The following ADAMTSL3 variants were observed in gnomAD, a reference collection of about 807,000 sequenced individuals.
The protein encoded by ADAMTSL3 is ADAMTS-like protein 3.
Under a neutral mutation model 201.7 loss-of-function variants are expected in ADAMTSL3, and 128 were observed. That is an observed-to-expected ratio of 0.63 (90% CI 0.55 to 0.73). The LOEUF (loss-of-function observed/expected upper bound fraction) is 0.73, where lower values mean the gene tolerates loss of function less well. ADAMTSL3 is among the 30% of genes least tolerant of loss of function. The pLI, the probability that ADAMTSL3 is intolerant of heterozygous loss-of-function variation, is 0.00. For missense variants in ADAMTSL3, 1,990 were observed against 2,119.6 expected, an observed-to-expected ratio of 0.94 and a Z score of 1.20; for synonymous variants, 738 against 748.4, an observed-to-expected ratio of 0.99 and a Z score of 0.23.
intron 8 of ADAMTSL3, among the ~76,000 whole-genome samples, chr15:83,864,856 T>C (rs1217319119): frequency 6.6e-6 from 1 of 152,230 alleles, no homozygotes; most frequent in African/African-American, 2.4e-5. Context: ...ATTGTATATC[T>C]AGAAAACCCC....
rs575407365 is a variant in ADAMTSL3, at chr15:83,757,677, A to G, written c.190-15846A>G. The stretch of plus-strand genomic sequence containing the variant: ...GCTGGCTTGAATTTTTCCTCAGAAA[A>G]TGGGTTTTTCTTTTCTATCACATCT... On this transcript the variant is annotated intron_variant, in intron 3 of 29. Coordinates refer to ENST00000286744, the MANE Select transcript of ADAMTSL3 (RefSeq NM_207517.3). 2.6e-5 allele frequency among the ~76,000 whole-genome samples: 4 copies of G among 152,302 alleles called. No homozygotes were observed. In the East Asian group the frequency reaches 7.7e-4, roughly 29 times the overall value.
rs1035828832 is a variant in ADAMTSL3 at position 84,010,119 on chromosome 15, G to A, written c.3974-4423G>A. Among the ~76,000 whole-genome samples, 6 of 152,182 alleles carry A rather than the reference G, an allele frequency of 3.9e-5. No homozygotes were observed. The East Asian group carries it at 1.2e-3, about 29-fold the overall frequency. ...TTTAGAAATGTTCAGTCATTTAAGCGAGAATTGCTTAGGGTCTTAAAGGCA... is the reference window on the plus strand; with the variant it reads ...TTTAGAAATGTTCAGTCATTTAAGCAAGAATTGCTTAGGGTCTTAAAGGCA... On this transcript the variant is annotated intron_variant, in intron 23 of 29. Coordinates refer to ENST00000286744, the MANE Select transcript of ADAMTSL3 (RefSeq NM_207517.3).
intron 26 of ADAMTSL3, among the ~76,000 whole-genome samples, chr15:84,022,595 G>C (rs1226196391): frequency 6.6e-6 from 1 of 152,110 alleles, no homozygotes; most frequent in Non-Finnish European, 1.5e-5. Flanking sequence ...ATTTATCTTA[G>C]GACAAAGGCC....
In ADAMTSL3 at chr15:83,819,960, C is replaced by T; in HGVS notation, c.513C>T (p.Asn171=). 1 of 1,614,154 alleles carries T rather than the reference C, an allele frequency of 6.2e-7. No homozygotes were observed. The highest frequency in any genetic ancestry group is 8.5e-7 in the Non-Finnish European group (1 of 1,180,036). ...CALKCHAQGQ[N]LVVELAPKVL... ...TCAAGTGTCATGCACAAGGACAAAA[C>T]TTGGTGGTGGAGCTGGCACCTAAGG... Residue 171 remains asparagine (N), a synonymous_variant, in exon 6 of 30, where the codon AAC becomes AAT. Coordinates refer to ENST00000286744, the MANE Select transcript of ADAMTSL3 (RefSeq NM_207517.3).
intron 19 of ADAMTSL3, among the ~76,000 whole-genome samples, chr15:83,968,185 G>A (rs1370194026): frequency 1.3e-5 from 2 of 152,164 alleles, no homozygotes; most frequent in African/African-American, 4.8e-5. Flanking sequence ...TGACAAATGG[G>A]ATCTAATTAA....
intron 9 of ADAMTSL3, among the ~76,000 whole-genome samples, chr15:83,872,859 A>G (rs1000894747): frequency 1.4e-5 from 2 of 145,482 alleles, no homozygotes; most frequent in Admixed American, 6.7e-5. Flanking sequence ...GCATATTTCT[A>G]TGAGTTTGTA....
chr15:83,916,190 A>G (rs908081356), intron 16 of ADAMTSL3, among the ~76,000 whole-genome samples: 4 of 152,188 alleles, frequency 2.6e-5, no homozygotes, highest in African/African-American at 7.2e-5. Flanking sequence ...TAAGGTGCCC[A>G]TTTGCTTTAT....
intron 4 of ADAMTSL3, among the ~76,000 whole-genome samples, chr15:83,796,419 A>G (rs2063427575): frequency 6.6e-6 from 1 of 152,220 alleles, no homozygotes; most frequent in Non-Finnish European, 1.5e-5. Flanking sequence ...AAAAGGCAGT[A>G]CTAGTAAAAT....
chr15:84,018,895 T>G lies in ADAMTSL3; in HGVS notation c.4273+2396T>G, dbSNP rs1038293671. ...AGAAAACAAAAACAAATTATCAAAT[T>G]GGACTGACCGCATCAAAATTTTAAA... On this transcript the variant is annotated intron_variant, in intron 25 of 29. Transcript: ENST00000286744. 2.0e-5 allele frequency among the ~76,000 whole-genome samples: 3 copies of G among 152,144 alleles called. 1 individual carries two copies. Among genetic ancestry groups the G allele is most frequent in the Non-Finnish European group, 4.4e-5 (3 of 68,024 alleles).
At chr15:83,821,864 G>A (rs2141917249) in intron 6 of ADAMTSL3, among the ~76,000 whole-genome samples, 1 of 149,830 alleles carries the variant, frequency 6.7e-6, no homozygotes, top group South Asian at 2.1e-4. Flanking sequence ...GGCTGGCCGG[G>A]CTGGGGGCTG....
chr15:83,679,836 CATCTCAG>C (rs2061453812), intron 2 of ADAMTSL3, among the ~76,000 whole-genome samples: 1 of 152,304 alleles, frequency 6.6e-6, no homozygotes, highest in African/African-American at 2.4e-5. Context: ...CTTCTCACTT[CATCTCAG>C]CAGATATTGT....
chr15:83,716,445 C>T (rs1350131910), intron 3 of ADAMTSL3, among the ~76,000 whole-genome samples: 1 of 145,940 alleles, frequency 6.9e-6, no homozygotes, highest in African/African-American at 2.6e-5. Context: ...ACATGGGAGG[C>T]GGAGGTTTGC....
chr15:83,808,607 C>T (rs1395477627), intron 5 of ADAMTSL3, among the ~76,000 whole-genome samples: 1 of 152,090 alleles, frequency 6.6e-6, no homozygotes, highest in Non-Finnish European at 1.5e-5. Context: ...ACAATATGAT[C>T]CAGCAATCCC....
intron 3 of ADAMTSL3, among the ~76,000 whole-genome samples, chr15:83,772,045 G>A (rs942320757): frequency 2.6e-5 from 4 of 152,062 alleles, no homozygotes; most frequent in African/African-American, 9.6e-5. Context: ...GTAGAGATGG[G>A]GTTTTGCCAT....
At position 83,655,788 on chromosome 15, in the gene ADAMTSL3, G is replaced by T. The variant is rs1347296591; in HGVS notation, c.27G>T (p.Trp9Cys). The T allele has an allele frequency of 1.4e-5, 23 of 1,613,998 alleles. No homozygotes were observed. Among genetic ancestry groups the T allele is most frequent in the Non-Finnish European group, 1.9e-5 (22 of 1,180,020 alleles). ...TGGCTTCCTGGACGAGCCCCTGGTG[G>T]GTGCTGATAGGGATGGTCTTCATGC... Reference protein sequence around the residue: MASWTSPWWVLIGMVFMHS... With the variant: MASWTSPWCVLIGMVFMHS... The change falls in exon 2 of 30, where the codon TGG becomes TGT. Residue 9 changes from tryptophan (W) to cysteine (C), a missense_variant. Coordinates refer to ENST00000286744, the MANE Select transcript of ADAMTSL3 (RefSeq NM_207517.3).
chr15:83,861,489 C>T (rs146075074), intron 8 of ADAMTSL3: 3,824 of 173,102 alleles, frequency 0.022, 166 homozygotes, highest in African/African-American at 0.086. Context: ...CTGCAGCCTC[C>T]GCTGCTGATA....
intron 28 of ADAMTSL3, among the ~76,000 whole-genome samples, chr15:84,035,437 G>C (rs986185798): frequency 1.3e-5 from 2 of 152,172 alleles, no homozygotes; most frequent in African/African-American, 4.8e-5. Flanking sequence ...CTTCTCTGTT[G>C]TTCAAAGTGA....
chr15:83,835,247 A>AAT (rs1173821959), intron 6 of ADAMTSL3, among the ~76,000 whole-genome samples: 8 of 151,630 alleles, frequency 5.3e-5, no homozygotes, highest in African/African-American at 1.9e-4. Context: ...AAAAAAAAAA[A>AAT]AAAAAGTTGC....
intron 28 of ADAMTSL3, 113 bp downstream of exon 28, chr15:84,031,545 C>G (rs1021779403): frequency 8.8e-6 from 8 of 912,094 alleles, no homozygotes; most frequent in Non-Finnish European, 1.4e-5. Context: ...TCATAATTGA[C>G]AGTTTTCAAT....
Sources: allele counts gnomAD v4.1 joint callset (sites outside exome capture counted in the v4.1 genomes callset), GRCh38; gene constraint gnomAD v4.1.1; transcripts MANE v1.5; gene names NCBI Gene and HGNC (gene_info 2026-07-23, HGNC 2026-07-21).